CNTNAP3B: variants seen among roughly 807,000 people sequenced by gnomAD.
CNTNAP3B encodes the protein contactin-associated protein-like 3B.
CNTNAP3B carries 25 observed loss-of-function variants against 108.9 expected under a neutral mutation model. The observed-to-expected ratio is 0.23, with a 90% CI of 0.17 to 0.32. The LOEUF (loss-of-function observed/expected upper bound fraction) is 0.32. Among genes scored for constraint, CNTNAP3B ranks in the 10% least tolerant of loss-of-function variants. The pLI, the probability that CNTNAP3B is intolerant of heterozygous loss-of-function variation, is 1.00. For missense variants in CNTNAP3B, 252 were observed against 1,210.4 expected (o/e 0.21, Z 11.75); for synonymous variants, 103 against 473.4 (o/e 0.22, Z 10.16).
chr9:42,076,238 A>T (rs1381622140), intron 3 of CNTNAP3B, among the ~76,000 whole-genome samples: 1 of 72,928 alleles, frequency 1.4e-5, no homozygotes, highest in East Asian at 3.8e-4. Context: ...AAAATGGCGA[A>T]ACCCTGTCTC....
rs796808177 is a variant in CNTNAP3B, at chr9:42,012,874, A to G, written c.538+504T>C. On this transcript the variant is annotated intron_variant, in intron 4 of 23. Coordinates refer to ENST00000377561, the MANE Select transcript of CNTNAP3B (RefSeq NM_001201380.3). ...CAAAGAATAGGTGAGAAAAGAGGCTAACTAAACACAGGTTCCCACCAAGTG... is the reference window on the plus strand; with the variant it reads ...CAAAGAATAGGTGAGAAAAGAGGCTGACTAAACACAGGTTCCCACCAAGTG... Among the ~76,000 whole-genome samples, 523 of 93,856 alleles carry G rather than the reference A, an allele frequency of 5.6e-3. 31 individuals are homozygous for G. Among genetic ancestry groups the G allele is most frequent in the South Asian group, 0.018 (54 of 2,992 alleles). 61.6% of individuals were successfully genotyped at this position (93,856 alleles called of 152,430 possible).
chr9:41,953,006 C>A (rs1442904406), intron 13 of CNTNAP3B, among the ~76,000 whole-genome samples, 177 bp downstream of exon 13: 2 of 152,266 alleles, frequency 1.3e-5, no homozygotes, highest in Non-Finnish European at 2.9e-5. Context: ...GTCAGGAAGG[C>A]GCTCTTGAAT....
chr9:42,028,720 G>A (rs1413112472), intron 3 of CNTNAP3B, among the ~76,000 whole-genome samples: 3 of 150,066 alleles, frequency 2.0e-5, no homozygotes, highest in Admixed American at 1.3e-4. Flanking sequence ...CGTTAATAAG[G>A]GAAATATGTT....
Position 41,960,813 on chromosome 9 carries a change from ACTTC to A in CNTNAP3B, c.1832_1835del (p.Gly611ValfsTer13), listed in dbSNP as rs2118202775. 2 of 1,603,780 alleles carry A rather than the reference ACTTC, an allele frequency of 1.2e-6. No individual in the cohort carries two copies. Among genetic ancestry groups the A allele is most frequent in the African/African-American group, 2.7e-5 (2 of 74,358 alleles). ...ACACAAGAAATGGTCCCAGGGGGCC[ACTTC>A]CATCTGCATCAATATAGTAAAGCCC... On this transcript the variant is annotated frameshift_variant, in exon 12 of 24. Transcript: ENST00000377561. LOFTEE classifies it high-confidence loss of function.
At position 42,094,387 on chromosome 9, in the gene CNTNAP3B, G is replaced by A. The variant is rs1367770565; in HGVS notation, c.196+10242C>T. On this transcript the variant is annotated intron_variant, in intron 2 of 23. Transcript: ENST00000377561. ...AAGAGGGCGGGGGCTGGGTATGGTG[G>A]CTCAGGCCTGTAATCCCAACATTTT... 1.5e-5 allele frequency among the ~76,000 whole-genome samples: 2 copies of A among 131,356 alleles called. 1 individual carries two copies. The highest frequency in any genetic ancestry group is 4.8e-4 in the East Asian group (2 of 4,170). 86.2% of individuals were successfully genotyped at this position (131,356 alleles called of 152,430 possible).
chr9:42,032,239 T>C (rs1826534919), intron 3 of CNTNAP3B, among the ~76,000 whole-genome samples: 1 of 111,836 alleles, frequency 8.9e-6, no homozygotes, highest in Non-Finnish European at 1.8e-5. Flanking sequence ...AGCTTTAAAA[T>C]AATTATTTGT....
intron 2 of CNTNAP3B, among the ~76,000 whole-genome samples, chr9:42,103,402 A>T (rs538793416): frequency 4.0e-4 from 54 of 133,998 alleles, no homozygotes; most frequent in African/African-American, 1.6e-3. Context: ...AAACACCAAG[A>T]AATGCAACAG....
In CNTNAP3B at chr9:41,963,692, G is replaced by T. The variant is rs1825175202; in HGVS notation, c.1756+846C>A. Among the ~76,000 whole-genome samples, 4 of 151,346 alleles carry T rather than the reference G, an allele frequency of 2.6e-5. No individual in the cohort carries two copies. The South Asian group carries it at 8.4e-4, about 32-fold the overall frequency. ...CTTTACTTGCAACAGGTTCCCAGGG[G>T]CTGTGGGTGCTGCTGGTGCATGGAC... On this transcript the variant is annotated intron_variant, in intron 11 of 23. Coordinates refer to ENST00000377561, the MANE Select transcript of CNTNAP3B (RefSeq NM_001201380.3).
chr9:42,108,881 A>T (rs1828133335), intron 1 of CNTNAP3B, among the ~76,000 whole-genome samples: 1 of 140,290 alleles, frequency 7.1e-6, no homozygotes, highest in Non-Finnish European at 1.5e-5. Context: ...GACAGAAACC[A>T]TTTCTTAGTA....
At chr9:41,968,837 G>A (rs1315913483) in intron 10 of CNTNAP3B, among the ~76,000 whole-genome samples, 4 of 147,288 alleles carry the variant, frequency 2.7e-5, no homozygotes, top group Admixed American at 2.0e-4. Flanking sequence ...TGGCTCTGTT[G>A]CCCAGTCTGG....
intron 14 of CNTNAP3B, among the ~76,000 whole-genome samples, chr9:41,934,118 T>C (rs866835131): frequency 2.0e-4 from 26 of 130,746 alleles, no homozygotes; most frequent in Admixed American, 3.8e-4. Context: ...TATATATATA[T>C]ATATACACAC....
chr9:41,967,461 C>G (rs554950895), intron 10 of CNTNAP3B, among the ~76,000 whole-genome samples: 2 of 150,422 alleles, frequency 1.3e-5, no homozygotes, highest in East Asian at 2.0e-4. Flanking sequence ...TCCATTAAGC[C>G]TTTTTTCTTT....
At chr9:42,109,141 T>G (rs867324272) in intron 1 of CNTNAP3B, among the ~76,000 whole-genome samples, 14 of 138,776 alleles carry the variant, frequency 1.0e-4, no homozygotes, top group African/African-American at 1.7e-4. Flanking sequence ...CCTACCATGT[T>G]CAAAGCATTA....
intron 15 of CNTNAP3B, among the ~76,000 whole-genome samples, chr9:41,924,803 T>C (rs1377475043): frequency 6.6e-6 from 1 of 152,284 alleles, no homozygotes; most frequent in Non-Finnish European, 1.5e-5. Context: ...CTCAGGCCTC[T>C]TTAGTGTCCT....
intron 2 of CNTNAP3B, among the ~76,000 whole-genome samples, chr9:42,089,827 G>A (rs927119981): frequency 1.4e-5 from 2 of 140,082 alleles, no homozygotes; most frequent in Non-Finnish European, 3.1e-5. Context: ...CCTTGTCTAT[G>A]AAATTCATTC....
chr9:42,129,328 A>C lies in CNTNAP3B; in HGVS notation c.-234T>G, dbSNP rs1587295967. On this transcript the variant is annotated 5_prime_UTR_variant, in exon 1 of 24. Coordinates refer to ENST00000377561, the MANE Select transcript of CNTNAP3B (RefSeq NM_001201380.3). ...GCGTCTCCGAGGTCGGCCCCGCGGGAGCCTGGGGGCCGCGCGGCGCCGCCC... is the reference window on the plus strand; with the variant it reads ...GCGTCTCCGAGGTCGGCCCCGCGGGCGCCTGGGGGCCGCGCGGCGCCGCCC... The C allele has an allele frequency of 1.1e-4, 39 of 346,914 alleles. No individual in the cohort carries two copies. The highest frequency in any genetic ancestry group is 2.0e-4 in the East Asian group (1 of 5,112). 21.5% of individuals were successfully genotyped at this position (346,914 alleles called of 1,614,324 possible). A position where few individuals can be genotyped will look rare whatever the true frequency, so the allele number is the denominator to read the frequency against.
intron 14 of CNTNAP3B, among the ~76,000 whole-genome samples, chr9:41,931,301 G>C (rs1331040200): frequency 2.5e-4 from 38 of 152,122 alleles, no homozygotes; most frequent in Admixed American, 6.5e-5. Flanking sequence ...CCATCACTTT[G>C]AGCAGTTATC....
intron 18 of CNTNAP3B, among the ~76,000 whole-genome samples, chr9:41,918,266 G>T (rs1173988801): frequency 2.0e-5 from 3 of 150,348 alleles, no homozygotes; most frequent in Non-Finnish European, 4.4e-5. Context: ...TCAGAATTTA[G>T]AAATGTTCTT....
In CNTNAP3B at chr9:42,103,278, C is replaced by G. The variant is rs561095902; in HGVS notation, c.196+1351G>C. 8.4e-4 allele frequency among the ~76,000 whole-genome samples: 125 copies of G among 148,786 alleles called. 3 individuals are homozygous for G. The highest frequency in any genetic ancestry group is 3.1e-3 in the African/African-American group (119 of 38,766). On this transcript the variant is annotated intron_variant, in intron 2 of 23. Coordinates refer to ENST00000377561, the MANE Select transcript of CNTNAP3B (RefSeq NM_001201380.3). The stretch of plus-strand genomic sequence containing the variant: ...AAATCACAGACTTAAGAAAAATAAA[C>G]AGAAAAATGAAAAGTTAAATTGTTC...
Sources: gnomAD v4.1 joint callset for allele counts (sites outside exome capture counted in the v4.1 genomes callset) on GRCh38, gnomAD v4.1.1 for gene constraint, MANE v1.5 for transcripts, NCBI Gene and HGNC (gene_info 2026-07-23, HGNC 2026-07-21) for gene names.